The following TTC19 variants were observed in gnomAD, a reference collection of about 807,000 sequenced individuals.
The protein encoded by TTC19 is tetratricopeptide repeat domain 19.
TTC19 carries 38 observed loss-of-function variants against 49.5 expected under a neutral mutation model. The observed-to-expected ratio is 0.77, with a 90% confidence interval of 0.59 to 1.01. TTC19 has a LOEUF of 1.01. Ranked by LOEUF, TTC19 falls within the 50% of genes least tolerant of loss-of-function variation. TTC19 has a pLI of 0.00. For missense variants in TTC19, 475 were observed against 477.7 expected (o/e 0.99, Z 0.05); for synonymous variants, 204 against 185.2 (o/e 1.10, Z -0.83).
downstream of TTC19, chr17:16,031,487 C>T (rs1351212035): frequency 1.5e-5 from 3 of 201,288 alleles, no homozygotes; most frequent in African/African-American, 6.9e-5. Context: ...TACTTAGGGG[C>T]ATGGTTAAAT....
chr17:16,028,218 T>C lies in TTC19; in HGVS notation c.*696T>C, dbSNP rs1971647273. The C allele has an allele frequency of 2.2e-6, 1 of 454,002 alleles. No individual in the cohort carries two copies. Among genetic ancestry groups the C allele is most frequent in the African/African-American group, 2.0e-5 (1 of 50,004 alleles). The allele number at this position is 454,002 out of a possible 1,614,324, so 28.1% of individuals were successfully genotyped here. A position where few individuals can be genotyped will look rare whatever the true frequency, so the allele number is the denominator to read the frequency against. On this transcript the variant is annotated 3_prime_UTR_variant, in exon 10 of 10. Coordinates refer to ENST00000261647, the MANE Select transcript of TTC19 (RefSeq NM_017775.4). ...AAAAACTAAGAATGATGTAACCTTT[T>C]GTCTGTGTTATCTGAACACTCTACT...
At chr17:16,030,839 C>G (rs765829304), downstream of TTC19, 18 of 185,656 alleles carry the variant, frequency 9.7e-5, no homozygotes, top group Non-Finnish European at 1.6e-4. Flanking sequence ...AGTAGCTAAT[C>G]ACAGAGCTGC....
At chr17:16,004,606 A>G (rs1011044213) in intron 6 of TTC19, among the ~76,000 whole-genome samples, 16 of 152,204 alleles carry the variant, frequency 1.1e-4, no homozygotes, top group African/African-American at 3.9e-4. Flanking sequence ...GGGATAATAT[A>G]TTAATACTCT....
At position 16,002,803 on chromosome 17, in the gene TTC19, T is replaced by G. The variant is rs764295416; in HGVS notation, c.434T>G (p.Leu145Ter). 6.2e-7 allele frequency: 1 copy of G among 1,614,068 alleles called. No homozygotes were observed. The highest frequency in any genetic ancestry group is 8.5e-7 in the Non-Finnish European group (1 of 1,179,974). ...ITYTYDLMANLAFIRGQLENA... is the reference protein window; with the variant it reads ...ITYTYDLMAN ...GTAATTTGCTTTCAGATGGCCAACT[T>G]AGCATTTATACGGGGTCAGCTTGAA... Residue 145 changes from leucine (L) to a stop codon, truncating the protein, a stop_gained, in exon 4 of 10, where the codon TTA becomes TGA. Transcript: ENST00000261647. LOFTEE classifies it high-confidence loss of function.
chr17:16,023,700 T>A (rs1048600903), intron 7 of TTC19: 1 of 152,196 alleles, frequency 6.6e-6, no homozygotes, highest in Non-Finnish European at 1.5e-5. Flanking sequence ...AGAACACTTT[T>A]AATAGTTTAT....
At chr17:16,036,391 C>T (rs926972139) in intron 2 of TTC19, among the ~76,000 whole-genome samples, 1 of 152,166 alleles carries the variant, frequency 6.6e-6, no homozygotes, top group African/African-American at 2.4e-5. Flanking sequence ...TCTTAAGTGG[C>T]CTAGGATTTT....
chr17:16,027,206 C>T (rs1971588729), intron 9 of TTC19, 168 bp from the exon 10 acceptor site: 1 of 755,244 alleles, frequency 1.3e-6, no homozygotes, highest in Non-Finnish European at 2.2e-6. Flanking sequence ...CCACAGCATT[C>T]AGTGGAGTTC....
intron 7 of TTC19, among the ~76,000 whole-genome samples, chr17:16,021,166 T>C (rs993597007): frequency 7.9e-5 from 12 of 152,030 alleles, no homozygotes; most frequent in African/African-American, 2.9e-4. Flanking sequence ...GGCGGGCGGA[T>C]CATGAGGTCA....
Position 16,000,118 on chromosome 17 carries a change from C to T in TTC19, c.185C>T (p.Ala62Val), listed in dbSNP as rs1040504533. 3.2e-6 allele frequency: 5 copies of T among 1,552,254 alleles called. No individual in the cohort carries two copies. The highest frequency in any genetic ancestry group is 2.7e-5 in the African/African-American group (2 of 73,788). ...RGPGLLPLLA[A>V]LAWFSRPAAA... Reference sequence around the variant, plus strand: ...ATGACCTCAGAGCCCCTTCCCGCAGCGCTCGCCTGGTTCTCGAGGCCCGCT... The same window carrying T: ...ATGACCTCAGAGCCCCTTCCCGCAGTGCTCGCCTGGTTCTCGAGGCCCGCT... Residue 62 changes from alanine to valine, a missense_variant and splice_region_variant, in exon 2 of 10, where the codon GCG becomes GTG. Physicochemically the swap from Ala to Val is moderately conservative, Grantham distance 64. Coordinates refer to ENST00000261647, the MANE Select transcript of TTC19 (RefSeq NM_017775.4).
In TTC19 at chr17:16,028,356, C is replaced by T. The variant is rs528061494; in HGVS notation, c.*834C>T. On this transcript the variant is annotated 3_prime_UTR_variant, in exon 10 of 10. Coordinates refer to ENST00000261647, the MANE Select transcript of TTC19 (RefSeq NM_017775.4). ...CCTACAGGTATATTTTAAAACTCTT[C>T]GTAATTCTAATGTGTACTGCTGGTA... is the stretch of plus-strand genomic sequence containing the variant. The T allele has an allele frequency of 1.8e-4, 83 of 454,082 alleles. No homozygotes were observed. Among genetic ancestry groups the T allele is most frequent in the Non-Finnish European group, 3.3e-4 (74 of 226,774 alleles). The allele number at this position is 454,082 out of a possible 1,614,324, so 28.1% of individuals were successfully genotyped here.
intron 4 of TTC19, 60 bp from the exon 5 acceptor site, chr17:16,003,771 A>T (rs1038795817): frequency 2.1e-6 from 2 of 964,620 alleles, no homozygotes; most frequent in South Asian, 3.4e-5. Flanking sequence ...ATCCAGGGTC[A>T]TATATATATA....
chr17:16,004,668 T>C (rs955341302), intron 6 of TTC19, among the ~76,000 whole-genome samples: 1 of 152,196 alleles, frequency 6.6e-6, no homozygotes, highest in South Asian at 2.1e-4. Context: ...AGCATCTAGG[T>C]TGTAAGCAGA....
intron 2 of TTC19, among the ~76,000 whole-genome samples, chr17:16,035,410 T>C (rs1567623003): frequency 6.6e-6 from 1 of 152,098 alleles, no homozygotes; most frequent in Non-Finnish European, 1.5e-5. Flanking sequence ...GCAGATTCAA[T>C]CTCAAGAAAC....
intron 2 of TTC19, chr17:16,040,251 A>G: frequency 1.5e-6 from 1 of 684,378 alleles, no homozygotes; most frequent in East Asian, 2.8e-5. Flanking sequence ...TATCTTTTCA[A>G]TAGGTATTTA....
chr17:16,034,642 A>T (rs1973742163), intron 2 of TTC19: 1 of 876,428 alleles, frequency 1.1e-6, no homozygotes, highest in Admixed American at 2.5e-5. Context: ...GAACATATTA[A>T]TGATACAGAA....
Position 16,026,657 on chromosome 17 carries a change from C to A in TTC19, c.949C>A (p.Leu317Ile). 3 of 1,614,118 alleles carry A rather than the reference C, an allele frequency of 1.9e-6. No homozygotes were observed. Among genetic ancestry groups the A allele is most frequent in the Non-Finnish European group, 2.5e-6 (3 of 1,179,984 alleles). The change falls in exon 9 of 10, where the codon CTA becomes ATA. Residue 317 changes from leucine to isoleucine, a missense_variant. Physicochemically the swap from Leu to Ile is conservative, Grantham distance 5 (BLOSUM62 2). Coordinates refer to ENST00000261647, the MANE Select transcript of TTC19 (RefSeq NM_017775.4). ...GGCAAGACAGATAAATCATCCTGAGCTACACATGGTACTCAGTAATCTAGC... is the reference window on the plus strand; with the variant it reads ...GGCAAGACAGATAAATCATCCTGAGATACACATGGTACTCAGTAATCTAGC... Reference protein sequence around the residue: ...DLARQINHPELHMVLSNLAAV... With the variant: ...DLARQINHPEIHMVLSNLAAV...
chr17:16,030,336 C>G, downstream of TTC19: 1 of 222,858 alleles, frequency 4.5e-6, no homozygotes, highest in East Asian at 6.5e-5. Context: ...TATAAGTGGA[C>G]CCACACAGTT....
intron 7 of TTC19, among the ~76,000 whole-genome samples, chr17:16,022,826 C>T (rs1305756832): frequency 1.3e-5 from 2 of 152,058 alleles, no homozygotes; most frequent in Admixed American, 6.6e-5. Context: ...AGTATAGTAG[C>T]GTATCTTTTT....
In TTC19 at chr17:16,002,817, G is replaced by A; in HGVS notation, c.448G>A (p.Gly150Ser). 6.2e-7 allele frequency: 1 copy of A among 1,613,828 alleles called. No individual in the cohort carries two copies. Among genetic ancestry groups the A allele is most frequent in the Non-Finnish European group, 8.5e-7 (1 of 1,179,938 alleles). The change falls in exon 4 of 10, where the codon GGT becomes AGT. Residue 150 changes from glycine (G) to serine (S), a missense_variant. Gly to Ser is a moderately conservative substitution (Grantham distance 56, BLOSUM62 0). Transcript: ENST00000261647. ...GATGGCCAACTTAGCATTTATACGG[G>A]GTCAGCTTGAAAATGTAAGTAAATT... ...DLMANLAFIR[G>S]QLENAEQLFK...
Sources: gnomAD v4.1 joint callset for allele counts (sites outside exome capture counted in the v4.1 genomes callset) on GRCh38, gnomAD v4.1.1 for gene constraint, MANE v1.5 for transcripts, NCBI Gene and HGNC (gene_info 2026-07-23, HGNC 2026-07-21) for gene names.